IRX5: variants seen among roughly 807,000 people sequenced by gnomAD.
IRX5 encodes iroquois-class homeodomain protein IRX-5.
IRX5 carries 8 observed loss-of-function variants against 37.6 expected under a neutral mutation model. The observed-to-expected ratio is 0.21, with a 90% CI of 0.12 to 0.38. The LOEUF is 0.38. Ranked by LOEUF, IRX5 falls within the 10% of genes least tolerant of loss-of-function variation. The pLI is 1.00. For missense variants in IRX5, 635 were observed against 695.2 expected (o/e 0.91, Z 0.97); for synonymous variants, 359 against 328.6 (o/e 1.09, Z -1.00).
At position 54,931,288 on chromosome 16, in the gene IRX5, G is replaced by A. The variant is rs1161502885; in HGVS notation, c.90G>A (p.Gly30=). The A allele has an allele frequency of 6.2e-7, 1 of 1,612,454 alleles. No individual in the cohort carries two copies. The highest frequency in any genetic ancestry group is 8.5e-7 in the Non-Finnish European group (1 of 1,179,642). ...CGTACAGCACCAGCGTCATTTCGGGGCCCCGCACGGATGAGCTCGGCCGCT... is the reference window on the plus strand; with the variant it reads ...CGTACAGCACCAGCGTCATTTCGGGACCCCGCACGGATGAGCTCGGCCGCT... The part of the protein sequence containing the change: ...CPAYSTSVIS[G]PRTDELGRSS... The change falls in exon 1 of 3, where the codon GGG becomes GGA. Residue 30 remains glycine, a synonymous_variant. Coordinates refer to ENST00000394636, the MANE Select transcript of IRX5 (RefSeq NM_005853.6).
At position 54,932,731 on chromosome 16, in the gene IRX5, C is replaced by G; in HGVS notation, c.483C>G (p.Ser161=). The G allele has an allele frequency of 6.2e-7, 1 of 1,614,028 alleles. No individual in the cohort carries two copies. Among genetic ancestry groups the G allele is most frequent in the Non-Finnish European group, 8.5e-7 (1 of 1,180,030 alleles). Residue 161 remains serine, a synonymous_variant, in exon 2 of 3, where the codon TCC becomes TCG. Transcript: ENST00000394636. The surrounding 1 kb of genome is among the most constrained non-coding windows in gnomAD (Gnocchi z 6.7). ...IITKMTLTQV[S]TWFANARRRL... ...CCAAGATGACCCTCACCCAGGTGTCCACCTGGTTCGCCAACGCGCGCCGGC... is the reference window on the plus strand; with the variant it reads ...CCAAGATGACCCTCACCCAGGTGTCGACCTGGTTCGCCAACGCGCGCCGGC...
In IRX5 at chr16:54,931,072, G is replaced by C. The variant is rs1270193290; in HGVS notation, c.-127G>C. The C allele has an allele frequency of 7.0e-5, 44 of 624,658 alleles. No homozygotes were observed. The highest frequency in any genetic ancestry group is 8.5e-5 in the Non-Finnish European group (42 of 492,618). 38.7% of individuals were successfully genotyped at this position (624,658 alleles called of 1,614,324 possible). ...GGAGGCGCCGCGGGCCGGAGCCCCG[G>C]AGCCGGGGCCAGAGGAGCGGCGGCC... On this transcript the variant is annotated 5_prime_UTR_variant, in exon 1 of 3. Coordinates refer to ENST00000394636, the MANE Select transcript of IRX5 (RefSeq NM_005853.6).
In IRX5 at chr16:54,932,559, C is replaced by T. The variant is rs1255566733; in HGVS notation, c.311C>T (p.Ala104Val). The T allele has an allele frequency of 1.2e-6, 2 of 1,613,930 alleles. No individual in the cohort carries two copies. The highest frequency in any genetic ancestry group is 2.2e-5 in the East Asian group (1 of 44,866). Residue 104 changes from alanine to valine, a missense_variant, in exon 2 of 3, where the codon GCG (alanine) becomes GTG (valine). Transcript: ENST00000394636. This position sits in a 1 kb window ranked among gnomAD's most constrained non-coding sequence, Gnocchi z 6.7. ...AGSLGYHPYA[A>V]PLGSYPYGDP... ...TCCTTGGGGTACCATCCTTACGCGG[C>T]GCCCCTGGGATCGTACCCTTACGGG... is the stretch of plus-strand genomic sequence containing the variant.
At position 54,933,724 on chromosome 16, in the gene IRX5, C is replaced by A. The variant is rs1963935239; in HGVS notation, c.1303C>A (p.Pro435Thr). Residue 435 changes from proline to threonine, a missense_variant, in exon 3 of 3, where the codon CCG (proline) becomes ACG (threonine). Transcript: ENST00000394636. The stretch of plus-strand genomic sequence containing the variant: ...GCCCGGGCCAGGCCCCACAACCGGT[C>A]CGGGGTCTCATTTCAATGGATTAAA... ...PGPGPGPTTGPGSHFNGLNQT... is the reference protein window; with the variant it reads ...PGPGPGPTTGTGSHFNGLNQT... 1 of 1,614,022 alleles carries A rather than the reference C, an allele frequency of 6.2e-7. No individual in the cohort carries two copies. Among genetic ancestry groups the A allele is most frequent in the Non-Finnish European group, 8.5e-7 (1 of 1,180,024 alleles).
rs1567390653 is a variant in IRX5, at chr16:54,932,658, A to G, written c.410A>G (p.Lys137Arg). 2 of 1,614,088 alleles carry G rather than the reference A, an allele frequency of 1.2e-6. No individual in the cohort carries two copies. Among genetic ancestry groups the G allele is most frequent in the Non-Finnish European group, 1.7e-6 (2 of 1,180,036 alleles). The change falls in exon 2 of 3, where the codon AAG becomes AGG. Residue 137 changes from lysine to arginine, a missense_variant. By Grantham distance (26) the Lys-to-Arg change is conservative. This residue lies in a region of IRX5 where 55 missense variants were observed against 120.5 expected (regional missense o/e 0.46). Transcript: ENST00000394636. This position sits in a 1 kb window ranked among gnomAD's most constrained non-coding sequence, Gnocchi z 6.7. ...AAGGCCTGGCTCAACGAGCACCGCAAGAACCCCTACCCCACCAAGGGCGAG... is the reference window on the plus strand; with the variant it reads ...AAGGCCTGGCTCAACGAGCACCGCAGGAACCCCTACCCCACCAAGGGCGAG... ...TLKAWLNEHR[K>R]NPYPTKGEKI... is the part of the protein sequence containing the mutation.
Position 54,934,050 on chromosome 16 carries a change from A to T in IRX5, c.*177A>T. On this transcript the variant is annotated 3_prime_UTR_variant, in exon 3 of 3. Transcript: ENST00000394636. The stretch of plus-strand genomic sequence containing the variant: ...AATGTAAACATCTCCACACAAAAAA[A>T]AAAATGTCTTAACCAACCGAAAAGA... 9.5e-6 allele frequency: 5 copies of T among 524,094 alleles called. No homozygotes were observed. The highest frequency in any genetic ancestry group is 3.0e-6 in the Non-Finnish European group (1 of 329,336). 32.5% of individuals were successfully genotyped at this position (524,094 alleles called of 1,614,324 possible). A position where few individuals can be genotyped will look rare whatever the true frequency, so the allele number is the denominator to read the frequency against.
At chr16:54,931,785 G>A (rs77842037) in intron 1 of IRX5, among the ~76,000 whole-genome samples, 4,248 of 152,348 alleles carry the variant, frequency 0.028, 97 homozygotes, top group South Asian at 0.12. Flanking sequence ...TGGAAAAGTA[G>A]TTCAAAAGAA....
chr16:54,931,574 C>T lies in IRX5; in HGVS notation c.249+127C>T. Reference sequence around the variant, plus strand: ...CGCCAAGCTTCGCGGCCCCTTCAAACTTGGGCGATTGTCTCCGCCAGCTTC... The same window carrying T: ...CGCCAAGCTTCGCGGCCCCTTCAAATTTGGGCGATTGTCTCCGCCAGCTTC... On this transcript the variant is annotated intron_variant, in intron 1 of 2. Coordinates refer to ENST00000394636, the MANE Select transcript of IRX5 (RefSeq NM_005853.6). 5 of 1,300,050 alleles carry T rather than the reference C, an allele frequency of 3.8e-6. No homozygotes were observed. In the South Asian group the frequency reaches 6.3e-5, roughly 16 times the overall value. The allele number at this position is 1,300,050 out of a possible 1,614,324, so 80.5% of individuals were successfully genotyped here. A position where few individuals can be genotyped will look rare whatever the true frequency, so the allele number is the denominator to read the frequency against.
At position 54,932,199 on chromosome 16, in the gene IRX5, C is replaced by A; in HGVS notation, c.250-299C>A. On this transcript the variant is annotated intron_variant, in intron 1 of 2. Transcript: ENST00000394636. The surrounding 1 kb of genome is among the most constrained non-coding windows in gnomAD (Gnocchi z 6.7). ...GAGGGCCGGGCCGCCGTGGCCAGAT[C>A]TGCGCACGGGGTACGGACGTGCCCG... is the stretch of plus-strand genomic sequence containing the variant. 1.4e-6 allele frequency: 1 copy of A among 702,774 alleles called. No homozygotes were observed. The highest frequency in any genetic ancestry group is 1.5e-5 in the South Asian group (1 of 67,550). The allele number at this position is 702,774 out of a possible 1,614,324, so 43.5% of individuals were successfully genotyped here.
At chr16:54,931,992 G>A (rs1174480222) in intron 1 of IRX5, 1 of 686,140 alleles carries the variant, frequency 1.5e-6, no homozygotes, top group African/African-American at 1.8e-5. Flanking sequence ...TCGGTCTGGG[G>A]TAGTATTTTT....
In IRX5 at chr16:54,932,839, G is replaced by T; in HGVS notation, c.591G>T (p.Glu197Asp). 6.2e-7 allele frequency: 1 copy of T among 1,614,146 alleles called. No individual in the cohort carries two copies. Among genetic ancestry groups the T allele is most frequent in the Non-Finnish European group, 8.5e-7 (1 of 1,179,996 alleles). ...DEEEEENIDL[E>D]KNDEDEPQKP... ...AAGAGGAGGAGAACATTGACCTGGA[G>T]AAGAACGACGAGGACGAGCCCCAGA... The change falls in exon 2 of 3, where the codon GAG becomes GAT. Residue 197 changes from glutamate to aspartate, a missense_variant. Physicochemically the swap from Glu to Asp is conservative, Grantham distance 45. Around this residue, in one of 5 missense-constraint regions of IRX5, gnomAD observed 244 missense variants for 205.4 expected, o/e 1.19. Transcript: ENST00000394636. The surrounding 1 kb of genome is among the most constrained non-coding windows in gnomAD (Gnocchi z 6.7).
chr16:54,932,907 G>A lies in IRX5; in HGVS notation c.655+4G>A. 2 of 1,605,272 alleles carry A rather than the reference G, an allele frequency of 1.2e-6. No homozygotes were observed. Among genetic ancestry groups the A allele is most frequent in the Non-Finnish European group, 8.5e-7 (1 of 1,175,982 alleles). On this transcript the variant is annotated splice_donor_region_variant and intron_variant, in intron 2 of 2. Coordinates refer to ENST00000394636, the MANE Select transcript of IRX5 (RefSeq NM_005853.6). This position sits in a 1 kb window ranked among gnomAD's most constrained non-coding sequence, Gnocchi z 6.7. The stretch of plus-strand genomic sequence containing the variant: ...GACCCCGAGGGCCCCGAAGCAGGTT[G>A]GTGGACATGGGAAAGGGCGTGTTGG...
rs1322144141 is a variant in IRX5, at chr16:54,931,228, G to C, written c.30G>C (p.Gln10His). ...CCTATCCGCAGGGCTACTTGTACCA[G>C]CCGTCCGCCTCGCTGGCGCTCTACT... MSYPQGYLY[Q>H]PSASLALYSC... The change falls in exon 1 of 3, where the codon CAG becomes CAC. Residue 10 changes from glutamine (Q) to histidine (H), a missense_variant. Physicochemically the swap from Gln to His is conservative, Grantham distance 24. Coordinates refer to ENST00000394636, the MANE Select transcript of IRX5 (RefSeq NM_005853.6). 15 of 1,611,122 alleles carry C rather than the reference G, an allele frequency of 9.3e-6. No homozygotes were observed. Among genetic ancestry groups the C allele is most frequent in the Non-Finnish European group, 1.3e-5 (15 of 1,179,122 alleles).
rs1308294773 is a variant in IRX5 at position 54,932,129 on chromosome 16, G to A, written c.250-369G>A. 2.8e-6 allele frequency: 2 copies of A among 702,872 alleles called. No individual in the cohort carries two copies. The highest frequency in any genetic ancestry group is 3.5e-5 in the African/African-American group (2 of 57,364). 43.5% of individuals were successfully genotyped at this position (702,872 alleles called of 1,614,324 possible). On this transcript the variant is annotated intron_variant, in intron 1 of 2. Transcript: ENST00000394636. The surrounding 1 kb of genome is among the most constrained non-coding windows in gnomAD (Gnocchi z 6.7). ...GCGCCCAACGTGCGTCCGCTCCCCCGCCGAGCGCGGAGTCGCCTCAGTTGC... is the reference window on the plus strand; with the variant it reads ...GCGCCCAACGTGCGTCCGCTCCCCCACCGAGCGCGGAGTCGCCTCAGTTGC...
At position 54,931,018 on chromosome 16, in the gene IRX5, G is replaced by A; in HGVS notation, c.-181G>A. The A allele has an allele frequency of 4.9e-6, 1 of 204,186 alleles. No homozygotes were observed. Among genetic ancestry groups the A allele is most frequent in the Non-Finnish European group, 8.7e-6 (1 of 114,846 alleles). The allele number at this position is 204,186 out of a possible 1,614,324, so 12.6% of individuals were successfully genotyped here. ...GCGCAGAGGAGCGGGCGCGGCGGTC[G>A]CAGCCGGAGGCGCGCGGGAAGCCAG... On this transcript the variant is annotated 5_prime_UTR_variant, in exon 1 of 3. Coordinates refer to ENST00000394636, the MANE Select transcript of IRX5 (RefSeq NM_005853.6).
In IRX5 at chr16:54,933,133, C is replaced by G. The variant is rs780279537; in HGVS notation, c.712C>G (p.Pro238Ala). ...CGAACGGCTTCAGGGACCACCCACC[C>G]CTGCAGGCAAGGAGACGGAGGGCAG... ...GCERLQGPPT[P>A]AGKETEGSLS... Residue 238 changes from proline to alanine, a missense_variant, in exon 3 of 3, where the codon CCT becomes GCT. Transcript: ENST00000394636. 5 of 1,586,210 alleles carry G rather than the reference C, an allele frequency of 3.2e-6. No homozygotes were observed. The African/African-American group carries it at 5.4e-5, about 17-fold the overall frequency.
chr16:54,932,117 G>T lies in IRX5; in HGVS notation c.250-381G>T, dbSNP rs1184701389. The T allele has an allele frequency of 5.7e-6, 4 of 702,732 alleles. No homozygotes were observed. The highest frequency in any genetic ancestry group is 5.2e-5 in the African/African-American group (3 of 57,240). 43.5% of individuals were successfully genotyped at this position (702,732 alleles called of 1,614,324 possible). On this transcript the variant is annotated intron_variant, in intron 1 of 2. Coordinates refer to ENST00000394636, the MANE Select transcript of IRX5 (RefSeq NM_005853.6). The surrounding 1 kb of genome is among the most constrained non-coding windows in gnomAD (Gnocchi z 6.7). ...TTTTCCCCCCTTGCGCCCAACGTGC[G>T]TCCGCTCCCCCGCCGAGCGCGGAGT...
At position 54,933,245 on chromosome 16, in the gene IRX5, C is replaced by T. The variant is rs1464914551; in HGVS notation, c.824C>T (p.Pro275Leu). Residue 275 changes from proline (P) to leucine (L), a missense_variant, in exon 3 of 3, where the codon CCG (proline) becomes CTG (leucine). By Grantham distance (98) the Pro-to-Leu change is moderately conservative. Coordinates refer to ENST00000394636, the MANE Select transcript of IRX5 (RefSeq NM_005853.6). ...QGPPRTGGPS[P>L]AGPAAARLAE... ...CCCCCCCGCACCGGCGGGCCCTCCC[C>T]GGCTGGGCCAGCGGCGGCGCGGCTG... 6 of 1,408,262 alleles carry T rather than the reference C, an allele frequency of 4.3e-6. No individual in the cohort carries two copies. The highest frequency in any genetic ancestry group is 3.0e-5 in the African/African-American group (2 of 65,928). The allele number at this position is 1,408,262 out of a possible 1,614,324, so 87.2% of individuals were successfully genotyped here.
chr16:54,932,854 C>A lies in IRX5; in HGVS notation c.606C>A (p.Asp202Glu), dbSNP rs772003623. ...TTGACCTGGAGAAGAACGACGAGGA[C>A]GAGCCCCAGAAGCCCGAGGACAAGG... Reference protein sequence around the residue: ...ENIDLEKNDEDEPQKPEDKGD... With the variant: ...ENIDLEKNDEEEPQKPEDKGD... The change falls in exon 2 of 3, where the codon GAC becomes GAA. Residue 202 changes from aspartate to glutamate, a missense_variant. Around this residue, in one of 5 missense-constraint regions of IRX5, gnomAD observed 244 missense variants for 205.4 expected, o/e 1.19. Transcript: ENST00000394636. This position sits in a 1 kb window ranked among gnomAD's most constrained non-coding sequence, Gnocchi z 6.7. 3 of 1,613,928 alleles carry A rather than the reference C, an allele frequency of 1.9e-6. No individual in the cohort carries two copies. Among genetic ancestry groups the A allele is most frequent in the South Asian group, 2.2e-5 (2 of 91,068 alleles).
Sources: allele counts gnomAD v4.1 joint callset (sites outside exome capture counted in the v4.1 genomes callset), GRCh38; gene constraint gnomAD v4.1.1; regional missense constraint gnomAD v4.1.1; non-coding constraint Gnocchi (gnomAD v3.1); transcripts MANE v1.5; gene names NCBI Gene and HGNC (gene_info 2026-07-23, HGNC 2026-07-21).